Variants in TEX11 observed in about 807,000 individuals in gnomAD.
TEX11 encodes the protein testis-expressed protein 11.
Under a neutral mutation model 84.4 loss-of-function variants are expected in TEX11, and 7 were observed. The ratio of observed to expected loss-of-function variants is 0.08; its 90% CI spans 0.05 to 0.16. TEX11 has a LOEUF of 0.16. TEX11 is among the 10% of genes least tolerant of loss of function. The pLI is 1.00. For missense variants in TEX11, 551 were observed against 660.5 expected, an observed-to-expected ratio of 0.83 and a Z score of 1.82; for synonymous variants, 264 against 222.8, an observed-to-expected ratio of 1.18 and a Z score of -1.64.
chrX:70,820,954 T>C (rs540022979), intron 8 of TEX11, among the ~76,000 whole-genome samples: 1 of 111,730 alleles, frequency 9.0e-6, no homozygotes, highest in South Asian at 3.7e-4. Context: ...AATGAGTTTT[T>C]GTATATGACT....
chrX:70,522,886 A>G, the TEX11 span, among the ~76,000 whole-genome samples: 8,341 of 109,272 alleles, frequency 0.076, 410 homozygotes, highest in Admixed American at 0.24. Context: ...AGGTAGAAAG[A>G]AGAGCATCTG....
At chrX:70,640,688 G>C (rs1309388802) in intron 17 of TEX11, among the ~76,000 whole-genome samples, 1 of 108,494 alleles carries the variant, frequency 9.2e-6, no homozygotes, top group Non-Finnish European at 1.9e-5. Context: ...AAGTGAAGGA[G>C]AAATAAAATA....
chrX:70,750,688 G>A (rs2090809964), intron 9 of TEX11, among the ~76,000 whole-genome samples: 2 of 96,523 alleles, frequency 2.1e-5, no homozygotes, highest in Admixed American at 2.3e-4. Context: ...ACCAAACACC[G>A]CATATTCTCA....
intron 5 of TEX11, among the ~76,000 whole-genome samples, chrX:70,857,852 A>G (rs2091545326): frequency 8.9e-6 from 1 of 111,820 alleles, no homozygotes; most frequent in Admixed American, 9.6e-5. Flanking sequence ...TGGTATATAT[A>G]TATAACTGAA....
chrX:70,632,627 A>C (rs2089524438), intron 17 of TEX11, among the ~76,000 whole-genome samples: 1 of 111,199 alleles, frequency 9.0e-6, no homozygotes, highest in Non-Finnish European at 1.9e-5. Context: ...AATTAGTAAA[A>C]CCAAAAGCTG....
intron 25 of TEX11, among the ~76,000 whole-genome samples, chrX:70,568,501 C>T (rs140797213): frequency 0.12 from 12,706 of 109,798 alleles, 618 homozygotes; most frequent in Middle Eastern, 0.2. Flanking sequence ...TTCCTAGTCT[C>T]GATGGTCTTT....
At chrX:70,880,162 T>C (rs2091675534) in intron 2 of TEX11, 53 bp from the exon 3 acceptor site, 1 of 978,255 alleles carries the variant, frequency 1.0e-6, no homozygotes, top group Admixed American at 2.8e-5. Context: ...ATTGGCTAAA[T>C]GTAGCAAATC....
chrX:70,731,151 G>A (rs2090646360), intron 11 of TEX11, among the ~76,000 whole-genome samples: 1 of 111,873 alleles, frequency 8.9e-6, no homozygotes, highest in South Asian at 3.7e-4. Flanking sequence ...CACATTCAAA[G>A]CAGTGTGTAG....
chrX:70,592,201 G>A (rs1347539167), intron 24 of TEX11, among the ~76,000 whole-genome samples: 1 of 109,541 alleles, frequency 9.1e-6, no homozygotes, highest in Non-Finnish European at 1.9e-5. Context: ...ATTGCCCTGA[G>A]GGTATACAGA....
At chrX:70,795,253 AAG>A (rs779860660) in intron 9 of TEX11, among the ~76,000 whole-genome samples, 1 of 109,459 alleles carries the variant, frequency 9.1e-6, no homozygotes, top group Non-Finnish European at 1.9e-5. Flanking sequence ...TGCTTGTGGA[AAG>A]AGGAGGGAAG....
At chrX:70,845,159 A>T (rs944605388) in intron 7 of TEX11, among the ~76,000 whole-genome samples, 1 of 110,854 alleles carries the variant, frequency 9.0e-6, no homozygotes, top group Non-Finnish European at 1.9e-5. Flanking sequence ...CACTTGGTTC[A>T]TTTTATTTTA....
intron 4 of TEX11, among the ~76,000 whole-genome samples, chrX:70,870,966 G>A (rs1456282811): frequency 8.9e-6 from 1 of 112,079 alleles, no homozygotes; most frequent in African/African-American, 3.2e-5. Context: ...AGGATGGAGT[G>A]CAATGGTGCG....
chrX:70,814,475 C>G (rs192803390), intron 8 of TEX11, among the ~76,000 whole-genome samples: 1 of 112,301 alleles, frequency 8.9e-6, no homozygotes, highest in Non-Finnish European at 1.9e-5. Context: ...CCTACTAGCC[C>G]ATAATAGGCA....
chrX:70,664,099 C>T (rs1335658206), intron 16 of TEX11, among the ~76,000 whole-genome samples: 5 of 111,716 alleles, frequency 4.5e-5, no homozygotes, highest in East Asian at 5.5e-4. Flanking sequence ...TTTCAGTCTG[C>T]GTTTGATTGA....
chrX:70,541,008 G>T (rs991372637), intron 28 of TEX11, among the ~76,000 whole-genome samples: 1 of 111,132 alleles, frequency 9.0e-6, no homozygotes. Context: ...TAGTCCAGGA[G>T]TTTGAGACCA....
rs184957530 is a variant in TEX11 at position 70,856,339 on chromosome X, T to C, written c.325-3011A>G. Reference sequence around the variant, plus strand: ...AATGAGGGGAGATATGAGTATATATTTGTCTGCTTATAAACACATATTTTA... The same window carrying C: ...AATGAGGGGAGATATGAGTATATATCTGTCTGCTTATAAACACATATTTTA... On this transcript the variant is annotated intron_variant, in intron 5 of 29. Transcript: ENST00000374333. 1.7e-3 allele frequency among the ~76,000 whole-genome samples: 187 copies of C among 111,077 alleles called. 4 individuals are homozygous for C. In the East Asian group the frequency reaches 0.042, roughly 25 times the overall value.
intron 9 of TEX11, among the ~76,000 whole-genome samples, chrX:70,793,462 G>T (rs1287074030): frequency 9.0e-6 from 1 of 111,604 alleles, no homozygotes; most frequent in African/African-American, 3.3e-5. Flanking sequence ...CATCCCCTTG[G>T]TGATGAGTGA....
intron 25 of TEX11, among the ~76,000 whole-genome samples, chrX:70,560,827 ATCT>A (rs2088358833): frequency 1.0e-5 from 1 of 99,482 alleles, no homozygotes; most frequent in African/African-American, 3.8e-5. Flanking sequence ...GGCTCAAGTG[ATCT>A]TCTTGCCTCA....
At chrX:70,674,657 G>A (rs1277120700) in intron 15 of TEX11, among the ~76,000 whole-genome samples, 6 of 111,393 alleles carry the variant, frequency 5.4e-5, no homozygotes, top group African/African-American at 2.0e-4. Flanking sequence ...ATATTTTTCT[G>A]ATGCTTTTGT....
Sources: gnomAD v4.1 joint callset for allele counts (sites outside exome capture counted in the v4.1 genomes callset) on GRCh38, gnomAD v4.1.1 for gene constraint, MANE v1.5 for transcripts, NCBI Gene and HGNC (gene_info 2026-07-23, HGNC 2026-07-21) for gene names.